MAOA: variants seen among roughly 807,000 people sequenced by gnomAD.
MAOA encodes the protein amine oxidase [flavin-containing] A.
In MAOA, 6 loss-of-function variants were observed where a neutral mutation model predicts 42.0. That is an observed-to-expected ratio of 0.14 (90% CI 0.08 to 0.28). The LOEUF (loss-of-function observed/expected upper bound fraction) is 0.28. Ranked by LOEUF, MAOA falls within the 10% of genes least tolerant of loss-of-function variation. The pLI, the probability that MAOA is intolerant of heterozygous loss-of-function variation, is 1.00. For synonymous variants in MAOA, 140 were observed against 154.0 expected (o/e 0.91, Z 0.67); for missense variants, 262 against 422.3 (o/e 0.62, Z 3.33).
At chrX:43,741,917 C>T in intron 11 of MAOA, 33 bp from the exon 12 acceptor site, 2 of 1,210,104 alleles carry the variant, frequency 1.7e-6, no homozygotes, top group Non-Finnish European at 2.2e-6. Flanking sequence ...GCTTTGTTTT[C>T]TCTTTTGTAT....
intron 8 of MAOA, 104 bp downstream of exon 8, chrX:43,731,957 C>T (rs1042543732): frequency 1.2e-5 from 10 of 816,323 alleles, no homozygotes; most frequent in Non-Finnish European, 1.8e-5. Flanking sequence ...TATTTTCAAA[C>T]TGGTAGAAAA....
chrX:43,716,338 C>A (rs946387504), intron 5 of MAOA, among the ~76,000 whole-genome samples: 1 of 110,791 alleles, frequency 9.0e-6, no homozygotes, highest in Non-Finnish European at 1.9e-5. Context: ...GAGATGGTAT[C>A]TTCCAGGAAT....
chrX:43,671,280 G>T (rs1162292467), intron 1 of MAOA, among the ~76,000 whole-genome samples: 3 of 106,648 alleles, frequency 2.8e-5, no homozygotes, highest in Non-Finnish European at 5.8e-5. Flanking sequence ...CCCACTTTTT[G>T]ATGGGGTTGT....
intron 3 of MAOA, among the ~76,000 whole-genome samples, chrX:43,697,303 A>G (rs2033588488): frequency 9.0e-6 from 1 of 111,457 alleles, no homozygotes. Flanking sequence ...CTCTCTTCTG[A>G]TGGTCATCCT....
In MAOA at chrX:43,740,747, C is replaced by T; in HGVS notation, c.1164+9C>T. On this transcript the variant is annotated intron_variant, in intron 11 of 14. Transcript: ENST00000338702. ...CCCAAGAAGCTTTACATGTAAGAAA[C>T]TCCCAGCTTTAATCCCTAGCAGGTT... is the stretch of plus-strand genomic sequence containing the variant. 2 of 1,183,667 alleles carry T rather than the reference C, an allele frequency of 1.7e-6. No homozygotes were observed. Among genetic ancestry groups the T allele is most frequent in the Non-Finnish European group, 2.3e-6 (2 of 877,367 alleles).
At chrX:43,717,461 G>A (rs915074418) in intron 5 of MAOA, among the ~76,000 whole-genome samples, 1 of 111,975 alleles carries the variant, frequency 8.9e-6, no homozygotes, top group Non-Finnish European at 1.9e-5. Flanking sequence ...CTGGGAATGA[G>A]CCACAGGTGT....
intron 3 of MAOA, among the ~76,000 whole-genome samples, chrX:43,698,281 A>G (rs954052220): frequency 1.3e-4 from 15 of 111,934 alleles, no homozygotes; most frequent in Non-Finnish European, 2.6e-4. Context: ...GGTTTTTACT[A>G]TTCACCAAGG....
chrX:43,676,367 A>G (rs1006038420), intron 1 of MAOA, among the ~76,000 whole-genome samples: 32 of 111,853 alleles, frequency 2.9e-4, no homozygotes, highest in Non-Finnish European at 5.3e-4. Flanking sequence ...TTTGACTAGG[A>G]AAGGGAACTC....
intron 8 of MAOA, among the ~76,000 whole-genome samples, chrX:43,732,317 A>G (rs2033887965): frequency 8.9e-6 from 1 of 111,818 alleles, no homozygotes; most frequent in South Asian, 3.8e-4. Context: ...TATGGTGGCT[A>G]CTGTTGATAA....
At chrX:43,732,876 G>A in intron 9 of MAOA, 81 bp downstream of exon 9, 4 of 651,765 alleles carry the variant, frequency 6.1e-6, no homozygotes, top group African/African-American at 2.1e-5. Context: ...TATTACTTTG[G>A]AATTAAGTTC....
chrX:43,730,480 T>C (rs1450542929), intron 6 of MAOA, among the ~76,000 whole-genome samples: 1 of 106,374 alleles, frequency 9.4e-6, no homozygotes, highest in Non-Finnish European at 1.9e-5. Context: ...GATCTGATAT[T>C]CCGAATCTTT....
chrX:43,711,283 GGAATGGA>G (rs1424215570), intron 3 of MAOA, among the ~76,000 whole-genome samples: 2 of 112,408 alleles, frequency 1.8e-5, no homozygotes, highest in Non-Finnish European at 3.8e-5. Context: ...CCAGGAAAGG[GGAATGGA>G]TGCTCGGCAG....
chrX:43,681,996 C>T (rs2033448062), intron 1 of MAOA, among the ~76,000 whole-genome samples: 1 of 109,284 alleles, frequency 9.2e-6, no homozygotes, highest in South Asian at 3.9e-4. Context: ...ATTCTCCTGC[C>T]TCAGCCTCCC....
At position 43,728,244 on chromosome X, in the gene MAOA, T is replaced by C. The variant is rs1569200316; in HGVS notation, c.575T>C (p.Leu192Pro). The part of the protein sequence containing the change: ...VTSEPHEVSA[L>P]WFLWYVKQCG... ...TCTGAGCCTCACGAAGTGTCTGCCC[T>C]GTGGTTCTTGTGGTATGTGAAGCAG... is the stretch of plus-strand genomic sequence containing the variant. The change falls in exon 6 of 15, where the codon CTG becomes CCG. Residue 192 changes from leucine to proline, a missense_variant. Physicochemically the swap from Leu to Pro is moderately conservative, Grantham distance 98. This residue lies in a region of MAOA where 141 missense variants were observed against 195.6 expected (regional missense o/e 0.72). Transcript: ENST00000338702. 8.3e-7 allele frequency: 1 copy of C among 1,209,716 alleles called. No individual in the cohort carries two copies. The highest frequency in any genetic ancestry group is 1.7e-5 in the African/African-American group (1 of 57,713).
At chrX:43,733,181 G>C (rs1265900201) in intron 9 of MAOA, among the ~76,000 whole-genome samples, 2 of 112,107 alleles carry the variant, frequency 1.8e-5, no homozygotes, top group Non-Finnish European at 3.8e-5. Flanking sequence ...CTAAATGTGG[G>C]GTTTCTCGGT....
intron 5 of MAOA, among the ~76,000 whole-genome samples, chrX:43,716,211 C>A (rs2033742864): frequency 9.0e-6 from 1 of 110,968 alleles, no homozygotes; most frequent in Non-Finnish European, 1.9e-5. Flanking sequence ...TCGTATCTTC[C>A]AGGAATGAGC....
At chrX:43,737,503 G>A (rs1244764299) in intron 10 of MAOA, among the ~76,000 whole-genome samples, 1 of 112,009 alleles carries the variant, frequency 8.9e-6, no homozygotes, top group Admixed American at 9.4e-5. Flanking sequence ...TGTTCCGTAG[G>A]TAGCACTTTC....
chrX:43,712,343 A>G (rs1334767050), intron 4 of MAOA, among the ~76,000 whole-genome samples: 1 of 111,557 alleles, frequency 9.0e-6, no homozygotes, highest in East Asian at 2.8e-4. Flanking sequence ...GGAGAGAAGG[A>G]CTTGCTGCCC....
chrX:43,661,521 G>T (rs2033233595), intron 1 of MAOA, among the ~76,000 whole-genome samples: 1 of 111,199 alleles, frequency 9.0e-6, no homozygotes, highest in Non-Finnish European at 1.9e-5. Context: ...ACAGTCATGA[G>T]GGTATAAGCC....
Sources: allele counts gnomAD v4.1 joint callset (sites outside exome capture counted in the v4.1 genomes callset), GRCh38; gene constraint gnomAD v4.1.1; regional missense constraint gnomAD v4.1.1; transcripts MANE v1.5; gene names NCBI Gene and HGNC (gene_info 2026-07-23, HGNC 2026-07-21).